Variants in FKBP5 observed in about 807,000 individuals in gnomAD.
The protein encoded by FKBP5 is FKBP prolyl isomerase 5, also known as peptidyl-prolyl cis-trans isomerase FKBP5.
In FKBP5, 23 loss-of-function variants were observed where a neutral mutation model predicts 50.5. The ratio of observed to expected loss-of-function variants is 0.46; its 90% CI spans 0.33 to 0.65. The LOEUF is 0.65. FKBP5 is among the 30% of genes least tolerant of loss of function. The pLI is 0.02. For missense variants in FKBP5, 411 were observed against 553.1 expected (o/e 0.74, Z 2.58); for synonymous variants, 176 against 190.6 (o/e 0.92, Z 0.63).
At chr6:35,587,203 A>C in intron 7 of FKBP5, 86 bp from the exon 8 acceptor site, 1 of 1,206,632 alleles carries the variant, frequency 8.3e-7, no homozygotes, top group Non-Finnish European at 1.2e-6. Flanking sequence ...AGCTAATTCT[A>C]GAAGATACTC....
chr6:35,591,031 C>T (rs1762805005), intron 7 of FKBP5, 99 bp downstream of exon 7: 3 of 721,070 alleles, frequency 4.2e-6, no homozygotes, highest in East Asian at 5.2e-5. Flanking sequence ...TGAATAAACA[C>T]CATCTATCTA....
intron 2 of FKBP5, among the ~76,000 whole-genome samples, chr6:35,700,196 T>A (rs1455017922): frequency 6.6e-6 from 1 of 152,174 alleles, no homozygotes; most frequent in African/African-American, 2.4e-5. Flanking sequence ...AGTCTCGCTC[T>A]GTCGTCCAGG....
chr6:35,576,663 T>G (rs1762225475), intron 10 of FKBP5, among the ~76,000 whole-genome samples: 1 of 116,532 alleles, frequency 8.6e-6, no homozygotes, highest in Admixed American at 1.0e-4. Flanking sequence ...AGTGAGACTC[T>G]GACTCGGGCA....
rs201661401 is a variant in FKBP5 at position 35,586,859 on chromosome 6, TC to T, written c.840+174del. 9.7e-6 allele frequency: 14 copies of T among 1,445,356 alleles called. No individual in the cohort carries two copies. The East Asian group carries it at 1.7e-4, about 18-fold the overall frequency. 89.5% of individuals were successfully genotyped at this position (1,445,356 alleles called of 1,614,324 possible). On this transcript the variant is annotated intron_variant, in intron 8 of 10. Coordinates refer to ENST00000357266, the MANE Select transcript of FKBP5 (RefSeq NM_004117.4). ...AGAGGAATCTGTACTTTTTTTTTTT[TC>T]CACATGATTGTTTTCTCACCATTTT...
At chr6:35,585,469 C>T in intron 8 of FKBP5, 1 of 985,156 alleles carries the variant, frequency 1.0e-6, no homozygotes, top group Non-Finnish European at 1.2e-6. Flanking sequence ...ACTTGGGGAA[C>T]ATCTAACTCC....
chr6:35,653,634 G>A (rs1033065831), intron 1 of FKBP5, among the ~76,000 whole-genome samples: 10 of 152,144 alleles, frequency 6.6e-5, no homozygotes, highest in African/African-American at 2.2e-4. Flanking sequence ...GAACCAGGCA[G>A]ATCCACCACC....
chr6:35,603,435 CAAGTAAAT>C (rs1763206776), intron 5 of FKBP5, among the ~76,000 whole-genome samples: 1 of 152,080 alleles, frequency 6.6e-6, no homozygotes, highest in Non-Finnish European at 1.5e-5. Context: ...TCAGGGCCAG[CAAGTAAAT>C]ATTTATTTAA....
At chr6:35,643,619 A>G (rs1156786598) in intron 1 of FKBP5, among the ~76,000 whole-genome samples, 1 of 152,154 alleles carries the variant, frequency 6.6e-6, no homozygotes, top group Non-Finnish European at 1.5e-5. Context: ...TGCTCCAGCC[A>G]AACTAGGCCA....
chr6:35,702,455 G>A (rs1326081656), intron 2 of FKBP5, among the ~76,000 whole-genome samples: 1 of 150,386 alleles, frequency 6.6e-6, no homozygotes, highest in African/African-American at 2.4e-5. Context: ...TATAAACTTT[G>A]ATTTTTTTTT....
chr6:35,615,522 G>T (rs935475532), intron 5 of FKBP5, among the ~76,000 whole-genome samples: 1 of 151,994 alleles, frequency 6.6e-6, no homozygotes, highest in Non-Finnish European at 1.5e-5. Context: ...GGTCAAATCT[G>T]GGACAATGTG....
At chr6:35,640,530 T>C (rs1764455417) in intron 2 of FKBP5, among the ~76,000 whole-genome samples, 1 of 152,136 alleles carries the variant, frequency 6.6e-6, no homozygotes, top group African/African-American at 2.4e-5. Flanking sequence ...ACCGTAGACT[T>C]TATAAACACT....
At chr6:35,621,675 T>C (rs368252617) in intron 3 of FKBP5, among the ~76,000 whole-genome samples, 80 of 150,316 alleles carry the variant, frequency 5.3e-4, no homozygotes, top group African/African-American at 1.6e-3. Context: ...ATCAGAAATA[T>C]TAAGTATCTG....
chr6:35,668,626 T>C (rs994668825), intron 1 of FKBP5, among the ~76,000 whole-genome samples: 7 of 152,120 alleles, frequency 4.6e-5, no homozygotes, highest in Admixed American at 3.3e-4. Context: ...TTGTTTTTTT[T>C]CTTCTTTTTT....
At position 35,591,150 on chromosome 6, in the gene FKBP5, T is replaced by C; in HGVS notation, c.736A>G (p.Thr246Ala). The C allele has an allele frequency of 6.2e-7, 1 of 1,611,726 alleles. No homozygotes were observed. Among genetic ancestry groups the C allele is most frequent in the Non-Finnish European group, 8.5e-7 (1 of 1,178,862 alleles). Residue 246 changes from threonine (T) to alanine (A), a missense_variant, in exon 7 of 11, where the codon ACA becomes GCA. Around this residue, in one of 3 missense-constraint regions of FKBP5, gnomAD observed 267 missense variants for 405.9 expected, o/e 0.66. Coordinates refer to ENST00000357266, the MANE Select transcript of FKBP5 (RefSeq NM_004117.4). ...CTCACCTTTTCGAAGCTCTTAAGTGTAACTTCATATATAAGCTCAGCATTA... is the reference window on the plus strand; with the variant it reads ...CTCACCTTTTCGAAGCTCTTAAGTGCAACTTCATATATAAGCTCAGCATTA... ...EPNAELIYEV[T>A]LKSFEKAKES...
chr6:35,590,027 G>A (rs1762764004), intron 7 of FKBP5, among the ~76,000 whole-genome samples: 1 of 152,258 alleles, frequency 6.6e-6, no homozygotes, highest in Non-Finnish European at 1.5e-5. Context: ...GTCAGGCACA[G>A]TGGCTCACCC....
intron 1 of FKBP5, among the ~76,000 whole-genome samples, chr6:35,663,035 G>A (rs1158737613): frequency 1.3e-5 from 2 of 152,130 alleles, no homozygotes; most frequent in South Asian, 2.1e-4. Context: ...ACTTTCAACC[G>A]GCAAGGGTGT....
intron 3 of FKBP5, among the ~76,000 whole-genome samples, chr6:35,626,034 C>T (rs889314425): frequency 6.6e-6 from 1 of 152,046 alleles, no homozygotes; most frequent in Non-Finnish European, 1.5e-5. Flanking sequence ...CTGCCTCAGC[C>T]TCCCAAAGTG....
intron 1 of FKBP5, among the ~76,000 whole-genome samples, chr6:35,684,235 A>G (rs1765760530): frequency 6.7e-6 from 1 of 150,290 alleles, no homozygotes; most frequent in Non-Finnish European, 1.5e-5. Context: ...CTGGAGTACA[A>G]TGGCTTAATC....
At chr6:35,587,635 G>A (rs1762642526) in intron 7 of FKBP5, among the ~76,000 whole-genome samples, 1 of 152,172 alleles carries the variant, frequency 6.6e-6, no homozygotes, top group Non-Finnish European at 1.5e-5. Flanking sequence ...CTGCTAAATT[G>A]TATCAACTTG....
Sources: gnomAD v4.1 joint callset for allele counts (sites outside exome capture counted in the v4.1 genomes callset) on GRCh38, gnomAD v4.1.1 for gene constraint, gnomAD v4.1.1 regional missense constraint, MANE v1.5 for transcripts, NCBI Gene and HGNC (gene_info 2026-07-23, HGNC 2026-07-21) for gene names.